MYPN: variants seen among roughly 807,000 people sequenced by gnomAD.
MYPN encodes the protein myopalladin.
Under a neutral mutation model 129.4 loss-of-function variants are expected in MYPN, and 63 were observed. The ratio of observed to expected loss-of-function variants is 0.49; its 90% confidence interval spans 0.40 to 0.60. The LOEUF (loss-of-function observed/expected upper bound fraction) is 0.60. Ranked by LOEUF, MYPN falls within the 20% of genes least tolerant of loss-of-function variation. MYPN has a pLI of 0.00. For synonymous variants in MYPN, 629 were observed against 600.9 expected, an observed-to-expected ratio of 1.05 and a Z score of -0.68; for missense variants, 1,596 against 1,635.4, an observed-to-expected ratio of 0.98 and a Z score of 0.42.
intron 1 of MYPN, chr10:68,114,246 C>T (rs1459510953): frequency 6.6e-6 from 1 of 152,002 alleles, no homozygotes; most frequent in Non-Finnish European, 1.5e-5. Flanking sequence ...CTTCTTAGAG[C>T]CTGAAGAAGG....
intron 12 of MYPN, among the ~76,000 whole-genome samples, chr10:68,176,401 A>C (rs2043228163): frequency 1.3e-5 from 2 of 152,348 alleles, no homozygotes; most frequent in Admixed American, 1.3e-4. Context: ...ATTGGAACTG[A>C]TAAAAATATT....
At chr10:68,118,645 G>T (rs1480266239) in intron 1 of MYPN, among the ~76,000 whole-genome samples, 1 of 152,074 alleles carries the variant, frequency 6.6e-6, no homozygotes, top group Non-Finnish European at 1.5e-5. Flanking sequence ...ACCAGCCTGG[G>T]CAACATAGAG....
intron 2 of MYPN, among the ~76,000 whole-genome samples, chr10:68,130,030 G>A (rs2042385147): frequency 6.6e-6 from 1 of 152,196 alleles, no homozygotes; most frequent in African/African-American, 2.4e-5. Flanking sequence ...CATTTCCGCA[G>A]TTACAAATGA....
intron 17 of MYPN, 111 bp downstream of exon 17, chr10:68,199,686 C>A: frequency 9.3e-7 from 1 of 1,069,888 alleles, no homozygotes; most frequent in East Asian, 2.5e-5. Context: ...ACTCCAATCT[C>A]AATTTCCCCT....
intron 1 of MYPN, among the ~76,000 whole-genome samples, chr10:68,116,710 TG>T (rs1482513777): frequency 3.3e-5 from 5 of 151,806 alleles, no homozygotes; most frequent in African/African-American, 9.7e-5. Flanking sequence ...CACTTCAGTC[TG>T]GGCTATAAGA....
At chr10:68,113,816 G>A (rs891575607) in intron 1 of MYPN, among the ~76,000 whole-genome samples, 1 of 151,966 alleles carries the variant, frequency 6.6e-6, no homozygotes, top group African/African-American at 2.4e-5. Flanking sequence ...ATGTTTTGCT[G>A]TATGTATACA....
chr10:68,148,070 C>T (rs1011220874), intron 4 of MYPN, among the ~76,000 whole-genome samples: 1 of 152,154 alleles, frequency 6.6e-6, no homozygotes, highest in Non-Finnish European at 1.5e-5. Flanking sequence ...TCCATCACTG[C>T]ATTTGTCTTG....
intron 1 of MYPN, among the ~76,000 whole-genome samples, chr10:68,111,665 G>C (rs1024842710): frequency 4.6e-5 from 7 of 152,202 alleles, no homozygotes; most frequent in Non-Finnish European, 1.0e-4. Flanking sequence ...TATATTTTTG[G>C]TGGGAACAAA....
intron 11 of MYPN, 151 bp from the exon 12 acceptor site, chr10:68,175,172 T>C: frequency 1.1e-6 from 1 of 872,626 alleles, no homozygotes; most frequent in Non-Finnish European, 1.8e-6. Flanking sequence ...AAAAGACCTT[T>C]ACAAATACCG....
chr10:68,143,585 G>A (rs2042611364), intron 3 of MYPN, among the ~76,000 whole-genome samples: 1 of 152,100 alleles, frequency 6.6e-6, no homozygotes, highest in African/African-American at 2.4e-5. Context: ...AGAAGATGAG[G>A]TTGAAAGGTA....
chr10:68,115,479 T>C (rs997215133), intron 1 of MYPN, among the ~76,000 whole-genome samples: 6 of 152,182 alleles, frequency 3.9e-5, no homozygotes, highest in Non-Finnish European at 8.8e-5. Context: ...GCATTGGCTC[T>C]ACTTTTAAAG....
chr10:68,169,362 T>TAA (rs34539408), intron 10 of MYPN, among the ~76,000 whole-genome samples: 19 of 127,192 alleles, frequency 1.5e-4, no homozygotes, highest in African/African-American at 6.2e-4. Flanking sequence ...CGTCTCAAAT[T>TAA]AAAAAAAAAA....
chr10:68,108,460 G>A (rs752131270), upstream of MYPN, among the ~76,000 whole-genome samples: 10 of 152,224 alleles, frequency 6.6e-5, no homozygotes, highest in Non-Finnish European at 8.8e-5. Flanking sequence ...TAGGCATTAC[G>A]AAAATAATTA....
At chr10:68,105,294 T>C (rs1400900364), upstream of MYPN, among the ~76,000 whole-genome samples, 1 of 152,186 alleles carries the variant, frequency 6.6e-6, no homozygotes, top group African/African-American at 2.4e-5. Context: ...ACCTACTTCA[T>C]AGACGTTAAA....
At chr10:68,143,606 G>A (rs532484811) in intron 3 of MYPN, among the ~76,000 whole-genome samples, 2 of 152,306 alleles carry the variant, frequency 1.3e-5, no homozygotes, top group East Asian at 3.9e-4. Context: ...AGATGGGGTG[G>A]AAGTGGAAGG....
chr10:68,196,483 CTTT>C (rs71009021), intron 15 of MYPN, among the ~76,000 whole-genome samples: 5 of 112,502 alleles, frequency 4.4e-5, no homozygotes, highest in East Asian at 2.4e-4. Context: ...CCTTCTTCTT[CTTT>C]TTTTTTTTTT....
At chr10:68,088,033 A>G (rs2041915051) in intron 1 of MYPN, among the ~76,000 whole-genome samples, 1 of 152,224 alleles carries the variant, frequency 6.6e-6, no homozygotes, top group Non-Finnish European at 1.5e-5. Flanking sequence ...AGGTAAAGCA[A>G]GAGATTTCTT....
Position 68,121,765 on chromosome 10 carries a change from T to C in MYPN, c.327T>C (p.Pro109=). ...CTCCTGATCAGATGAAACACTCACCTAATTTAAGTTTTGAGCCTAACTTCT... is the reference window on the plus strand; with the variant it reads ...CTCCTGATCAGATGAAACACTCACCCAATTTAAGTTTTGAGCCTAACTTCT... ...RLSPDQMKHS[P]NLSFEPNFCQ... is the part of the protein sequence containing the mutation. Residue 109 remains proline, a synonymous_variant, in exon 2 of 20, where the codon CCT becomes CCC. Transcript: ENST00000358913. The C allele has an allele frequency of 6.2e-7, 1 of 1,614,212 alleles. No individual in the cohort carries two copies. The highest frequency in any genetic ancestry group is 1.1e-5 in the South Asian group (1 of 91,084).
chr10:68,187,091 G>A (rs972394552), intron 12 of MYPN, among the ~76,000 whole-genome samples: 2 of 152,056 alleles, frequency 1.3e-5, no homozygotes, highest in East Asian at 3.9e-4. Flanking sequence ...ACCATTCAGG[G>A]CTGGGCATGG....
Sources: allele counts gnomAD v4.1 joint callset (sites outside exome capture counted in the v4.1 genomes callset), GRCh38; gene constraint gnomAD v4.1.1; transcripts MANE v1.5; gene names NCBI Gene and HGNC (gene_info 2026-07-23, HGNC 2026-07-21).